LAMA2: variants seen among roughly 807,000 people sequenced by gnomAD.
The protein encoded by LAMA2 is laminin subunit alpha-2.
Under a neutral mutation model 364.8 loss-of-function variants are expected in LAMA2, and 269 were observed. That is an observed-to-expected ratio of 0.74 (90% confidence interval 0.67 to 0.82). The LOEUF (loss-of-function observed/expected upper bound fraction) is 0.82. LAMA2 is among the 40% of genes least tolerant of loss of function. The pLI, the probability that LAMA2 is intolerant of heterozygous loss-of-function variation, is 0.00. For synonymous variants in LAMA2, 1,379 were observed against 1,370.6 expected, an observed-to-expected ratio of 1.01 and a Z score of -0.14; for missense variants, 3,807 against 3,873.2, an observed-to-expected ratio of 0.98 and a Z score of 0.45.
At chr6:129,090,036 C>T (rs192290321) in intron 3 of LAMA2, among the ~76,000 whole-genome samples, 14 of 152,116 alleles carry the variant, frequency 9.2e-5, no homozygotes, top group East Asian at 1.9e-4. Flanking sequence ...ATGTTTGCTC[C>T]GTAAGAGCAA....
At chr6:129,303,324 A>C (rs997590816) in intron 22 of LAMA2, among the ~76,000 whole-genome samples, 1 of 152,096 alleles carries the variant, frequency 6.6e-6, no homozygotes, top group African/African-American at 2.4e-5. Context: ...TATTAGTTCT[A>C]GTTTCTTTTT....
At chr6:129,250,552 A>G (rs1213143358) in intron 13 of LAMA2, among the ~76,000 whole-genome samples, 1 of 152,180 alleles carries the variant, frequency 6.6e-6, no homozygotes, top group Non-Finnish European at 1.5e-5. Flanking sequence ...TCTTGCTTCC[A>G]GATAGATTTT....
At chr6:129,107,531 C>T (rs1232858141) in intron 4 of LAMA2, among the ~76,000 whole-genome samples, 1 of 151,974 alleles carries the variant, frequency 6.6e-6, no homozygotes, top group East Asian at 1.9e-4. Context: ...GTTGGAGGAC[C>T]AGAAGGAATA....
chr6:128,950,701 G>A (rs1405489432), intron 1 of LAMA2, among the ~76,000 whole-genome samples: 1 of 151,396 alleles, frequency 6.6e-6, no homozygotes, highest in East Asian at 1.9e-4. Flanking sequence ...GGAATAATAA[G>A]GTAATAATAA....
chr6:128,917,705 TTTTTC>T (rs1481486212), intron 1 of LAMA2, among the ~76,000 whole-genome samples: 36 of 92,346 alleles, frequency 3.9e-4, no homozygotes, highest in South Asian at 9.2e-4. Flanking sequence ...TTTTCTTTTT[TTTTTC>T]TTTCTTTCTT....
At chr6:129,217,668 A>C (rs1188634380) in intron 12 of LAMA2, among the ~76,000 whole-genome samples, 8 of 152,210 alleles carry the variant, frequency 5.3e-5, no homozygotes, top group Non-Finnish European at 1.2e-4. Flanking sequence ...ATTTATATTT[A>C]TGTGGTTAAG....
intron 48 of LAMA2, among the ~76,000 whole-genome samples, chr6:129,459,179 G>A (rs1312482494): frequency 6.6e-6 from 1 of 152,050 alleles, no homozygotes; most frequent in Non-Finnish European, 1.5e-5. Context: ...AGCCTGTACA[G>A]CATGTTCCTC....
intron 49 of LAMA2, among the ~76,000 whole-genome samples, chr6:129,461,092 G>A (rs535602579): frequency 8.8e-4 from 134 of 152,014 alleles, no homozygotes; most frequent in Non-Finnish European, 1.6e-3. Flanking sequence ...AAATCTTAGA[G>A]CCCACTTATC....
chr6:129,433,121 G>A (rs889305589), intron 41 of LAMA2, among the ~76,000 whole-genome samples: 20 of 152,248 alleles, frequency 1.3e-4, no homozygotes, highest in African/African-American at 4.3e-4. Flanking sequence ...AGCTACTAGG[G>A]AAAGGGAAGC....
chr6:129,515,076 A>G (rs1196698371), intron 64 of LAMA2, among the ~76,000 whole-genome samples: 1 of 152,216 alleles, frequency 6.6e-6, no homozygotes, highest in Admixed American at 6.5e-5. Flanking sequence ...CAAGCAATAA[A>G]TCCTCATTCA....
intron 40 of LAMA2, among the ~76,000 whole-genome samples, chr6:129,408,050 G>A (rs949711167): frequency 6.6e-6 from 1 of 152,170 alleles, no homozygotes; most frequent in Non-Finnish European, 1.5e-5. Flanking sequence ...CTTGGTGACA[G>A]CATTCTTCCC....
intron 12 of LAMA2, among the ~76,000 whole-genome samples, chr6:129,231,470 A>G (rs1227352463): frequency 6.6e-6 from 1 of 152,102 alleles, no homozygotes; most frequent in Non-Finnish European, 1.5e-5. Context: ...TGAAGTATGA[A>G]TTATCATTAT....
In LAMA2 at chr6:128,883,711, T is replaced by C. The variant is rs566093238; in HGVS notation, c.112+354T>C. Among the ~76,000 whole-genome samples, 19 of 152,030 alleles carry C rather than the reference T, an allele frequency of 1.2e-4. No homozygotes were observed. In the South Asian group the frequency reaches 2.5e-3, roughly 20 times the overall value. On this transcript the variant is annotated intron_variant, in intron 1 of 64. Transcript: ENST00000421865. ...AATTTCTTCAAATCAGAGCCCATCC[T>C]GCAGAGAAAGGCTTCCCAAGCTGTG...
intron 42 of LAMA2, 136 bp downstream of exon 42, chr6:129,438,898 ATTC>A: frequency 1.5e-6 from 1 of 675,412 alleles, no homozygotes; most frequent in Non-Finnish European, 2.7e-6. Context: ...TTACTCATGA[ATTC>A]TTCTTTGTGA....
chr6:129,119,431 T>C (rs1370709345), intron 4 of LAMA2, among the ~76,000 whole-genome samples: 1 of 152,158 alleles, frequency 6.6e-6, no homozygotes, highest in Non-Finnish European at 1.5e-5. Context: ...ATGACTATCT[T>C]GTACAAGTAT....
chr6:129,036,398 T>C lies in LAMA2; in HGVS notation c.113-13520T>C, dbSNP rs577943235. ...CCAAGTGGATAAGATGACATTTGAA[T>C]CCATAGTGGACCTTGTAGCCCTTCT... On this transcript the variant is annotated intron_variant, in intron 1 of 64. Coordinates refer to ENST00000421865, the MANE Select transcript of LAMA2 (RefSeq NM_000426.4). 5.9e-5 allele frequency among the ~76,000 whole-genome samples: 9 copies of C among 152,256 alleles called. No individual in the cohort carries two copies. The East Asian group carries it at 1.7e-3, about 29-fold the overall frequency.
At chr6:129,228,557 T>C (rs1380279992) in intron 12 of LAMA2, among the ~76,000 whole-genome samples, 2 of 152,216 alleles carry the variant, frequency 1.3e-5, no homozygotes, top group Non-Finnish European at 2.9e-5. Context: ...TTTATTTCAT[T>C]TCTCATACTT....
intron 28 of LAMA2, among the ~76,000 whole-genome samples, chr6:129,321,144 C>CT (rs956348956): frequency 1.0e-4 from 15 of 149,714 alleles, no homozygotes; most frequent in East Asian, 3.9e-4. Context: ...ATAAAACTAT[C>CT]TTTTTTTTTT....
intron 12 of LAMA2, among the ~76,000 whole-genome samples, chr6:129,214,010 A>G (rs961236472): frequency 7.2e-5 from 11 of 152,272 alleles, no homozygotes; most frequent in African/African-American, 2.2e-4. Context: ...TTTGAGGTCT[A>G]TGATCCATTT....
Sources: allele counts gnomAD v4.1 joint callset (sites outside exome capture counted in the v4.1 genomes callset), GRCh38; gene constraint gnomAD v4.1.1; transcripts MANE v1.5; gene names NCBI Gene and HGNC (gene_info 2026-07-23, HGNC 2026-07-21).